The following NRXN1 variants were observed in gnomAD, a reference collection of about 807,000 sequenced individuals.
The protein encoded by NRXN1 is neurexin 1, also known as neurexin-1.
In NRXN1, 39 loss-of-function variants were observed where a neutral mutation model predicts 150.9. That is an observed-to-expected ratio of 0.26 (90% CI 0.20 to 0.34). The LOEUF (loss-of-function observed/expected upper bound fraction) is 0.34. Ranked by LOEUF, NRXN1 falls within the 10% of genes least tolerant of loss-of-function variation. NRXN1 has a pLI of 1.00. For synonymous variants in NRXN1, 924 were observed against 757.0 expected, an observed-to-expected ratio of 1.22 and a Z score of -3.62; for missense variants, 1,815 against 1,949.9, an observed-to-expected ratio of 0.93 and a Z score of 1.30.
intron 17 of NRXN1, among the ~76,000 whole-genome samples, chr2:50,308,602 C>A (rs181953922): frequency 6.6e-6 from 1 of 152,166 alleles, no homozygotes; most frequent in Non-Finnish European, 1.5e-5. Context: ...GATCCTTCCA[C>A]CTCAGCCTCC....
intron 18 of NRXN1, among the ~76,000 whole-genome samples, chr2:50,185,196 T>A (rs1340904516): frequency 6.6e-6 from 1 of 152,076 alleles, no homozygotes; most frequent in Non-Finnish European, 1.5e-5. Flanking sequence ...ACAAACATAG[T>A]TAGATCTGAG....
chr2:50,296,886 T>C (rs866825386), intron 17 of NRXN1, among the ~76,000 whole-genome samples: 29 of 146,132 alleles, frequency 2.0e-4, no homozygotes, highest in African/African-American at 7.0e-4. Flanking sequence ...TCTTTCTTTT[T>C]TTTTTTTTTT....
chr2:50,112,141 T>C (rs1375294395), intron 18 of NRXN1, among the ~76,000 whole-genome samples: 1 of 152,192 alleles, frequency 6.6e-6, no homozygotes, highest in Non-Finnish European at 1.5e-5. Flanking sequence ...CTTATTCTTG[T>C]GGATTTGAAA....
chr2:50,446,759 G>A (rs1236149768), intron 17 of NRXN1, among the ~76,000 whole-genome samples: 2 of 151,956 alleles, frequency 1.3e-5, no homozygotes, highest in Non-Finnish European at 2.9e-5. Flanking sequence ...AATCATAGGT[G>A]ATTTTATTTT....
chr2:50,193,325 A>G (rs2061560559), intron 18 of NRXN1, among the ~76,000 whole-genome samples: 1 of 152,192 alleles, frequency 6.6e-6, no homozygotes, highest in South Asian at 2.1e-4. Context: ...GCTGTTAAAT[A>G]TATTTAGAGC....
At chr2:50,420,566 C>T (rs1445863241) in intron 17 of NRXN1, among the ~76,000 whole-genome samples, 1 of 152,020 alleles carries the variant, frequency 6.6e-6, no homozygotes, top group Non-Finnish European at 1.5e-5. Flanking sequence ...GTGGATGAGC[C>T]AGCTGTCCCT....
chr2:49,939,702 A>C (rs1459937901), intron 22 of NRXN1, among the ~76,000 whole-genome samples: 1 of 152,180 alleles, frequency 6.6e-6, no homozygotes, highest in Non-Finnish European at 1.5e-5. Flanking sequence ...AGCTTGGAAT[A>C]TTCTTTTTGT....
At chr2:50,642,648 A>G (rs1375858671) in intron 5 of NRXN1, among the ~76,000 whole-genome samples, 1 of 152,170 alleles carries the variant, frequency 6.6e-6, no homozygotes, top group East Asian at 1.9e-4. Context: ...GGATTTAGGG[A>G]CAATTGCATG....
In NRXN1 at chr2:50,091,512, A is replaced by G. The variant is rs754285936; in HGVS notation, c.3547-18T>C. ...CCCTGGTGCTGTAAGAGAGGAGGGG[A>G]AAAAAGAGTTGAATTAAGTTGACTA... On this transcript the variant is annotated intron_variant, in intron 18 of 22. Coordinates refer to ENST00000401669, the MANE Select transcript of NRXN1 (RefSeq NM_001330078.2). 2 of 1,612,898 alleles carry G rather than the reference A, an allele frequency of 1.2e-6. No homozygotes were observed. The highest frequency in any genetic ancestry group is 3.3e-5 in the Admixed American group (2 of 59,960).
At chr2:50,386,230 T>C (rs955038666) in intron 17 of NRXN1, among the ~76,000 whole-genome samples, 4 of 152,274 alleles carry the variant, frequency 2.6e-5, no homozygotes, top group Admixed American at 2.6e-4. Context: ...AAATATCATT[T>C]TGCTATATTT....
intron 18 of NRXN1, among the ~76,000 whole-genome samples, chr2:50,148,993 C>A (rs1386620715): frequency 6.6e-6 from 1 of 151,600 alleles, no homozygotes; most frequent in Non-Finnish European, 1.5e-5. Context: ...GTCTATTTGC[C>A]AGGTTCATAT....
intron 5 of NRXN1, among the ~76,000 whole-genome samples, chr2:50,834,129 T>C (rs570425383): frequency 8.5e-5 from 13 of 152,194 alleles, no homozygotes; most frequent in Middle Eastern, 3.4e-3. Flanking sequence ...TTTATTGAGA[T>C]CACTGACTAC....
chr2:50,365,043 A>G (rs554002359), intron 17 of NRXN1, among the ~76,000 whole-genome samples: 4 of 152,112 alleles, frequency 2.6e-5, no homozygotes, highest in Non-Finnish European at 2.9e-5. Flanking sequence ...CATGGCAAAA[A>G]TTAAACTGCT....
intron 17 of NRXN1, among the ~76,000 whole-genome samples, chr2:50,335,780 C>T (rs895905784): frequency 6.6e-6 from 1 of 152,150 alleles, no homozygotes; most frequent in Non-Finnish European, 1.5e-5. Flanking sequence ...CAATTTCAAC[C>T]CTTTGTCTTT....
At chr2:50,124,095 G>A (rs1291630981) in intron 18 of NRXN1, among the ~76,000 whole-genome samples, 1 of 151,992 alleles carries the variant, frequency 6.6e-6, no homozygotes, top group Non-Finnish European at 1.5e-5. Flanking sequence ...AGGAGACCAA[G>A]GAGAAAGAAC....
At chr2:50,475,151 T>A (rs1573137618) in intron 15 of NRXN1, among the ~76,000 whole-genome samples, 1 of 152,048 alleles carries the variant, frequency 6.6e-6, no homozygotes, top group African/African-American at 2.4e-5. Flanking sequence ...ATGAATGTAG[T>A]AGAGTGGGGA....
chr2:50,223,294 A>G (rs1476768052), intron 18 of NRXN1, among the ~76,000 whole-genome samples: 1 of 152,018 alleles, frequency 6.6e-6, no homozygotes, highest in Non-Finnish European at 1.5e-5. Flanking sequence ...TGTTCCTCAC[A>G]TAACAATTAA....
At chr2:50,681,099 A>G (rs548421847) in intron 5 of NRXN1, among the ~76,000 whole-genome samples, 17 of 152,286 alleles carry the variant, frequency 1.1e-4, no homozygotes, top group African/African-American at 4.1e-4. Context: ...AAAAACAGAG[A>G]AGTTGGTCTC....
intron 5 of NRXN1, among the ~76,000 whole-genome samples, chr2:50,714,257 G>A (rs1695571676): frequency 6.6e-6 from 1 of 152,082 alleles, no homozygotes; most frequent in African/African-American, 2.4e-5. Context: ...TAATCCTCTG[G>A]AAGTTGCAAG....
Sources: allele counts gnomAD v4.1 joint callset (sites outside exome capture counted in the v4.1 genomes callset), GRCh38; gene constraint gnomAD v4.1.1; transcripts MANE v1.5; gene names NCBI Gene and HGNC (gene_info 2026-07-23, HGNC 2026-07-21).